PER1: variants seen among roughly 807,000 people sequenced by gnomAD.
PER1 encodes the protein period circadian regulator 1, also known as period circadian protein homolog 1.
A neutral mutation model predicts 125.9 loss-of-function variants in PER1; 87 were observed. The observed-to-expected ratio is 0.69, with a 90% CI of 0.58 to 0.83. The LOEUF is 0.83. PER1 is among the 40% of genes least tolerant of loss of function. The pLI, the probability that PER1 is intolerant of heterozygous loss-of-function variation, is 0.00. For synonymous variants in PER1, 801 were observed against 714.7 expected (o/e 1.12, Z -1.93); for missense variants, 1,775 against 1,722.8 (o/e 1.03, Z -0.54).
rs1011297433 is a variant in PER1 at position 8,140,809 on chromosome 17, C to G, written c.*259G>C. 2.6e-4 allele frequency: 118 copies of G among 451,566 alleles called. No individual in the cohort carries two copies. The highest frequency in any genetic ancestry group is 3.7e-4 in the Non-Finnish European group (91 of 249,128). The allele number at this position is 451,566 out of a possible 1,614,324, so 28.0% of individuals were successfully genotyped here. ...TTCAGCAGCTTGTCAGCAACTTTGT[C>G]CAGGGGAGGGAAGGATTCCTCTCCA... is the stretch of plus-strand genomic sequence containing the variant. On this transcript the variant is annotated 3_prime_UTR_variant, in exon 23 of 23. Coordinates refer to ENST00000317276, the MANE Select transcript of PER1 (RefSeq NM_002616.3).
At position 8,150,099 on chromosome 17, in the gene PER1, G is replaced by T. The variant is rs1392176850; in HGVS notation, c.401C>A (p.Thr134Asn). Residue 134 changes from threonine to asparagine, a missense_variant, in exon 4 of 23, where the codon ACT becomes AAT. Physicochemically the swap from Thr to Asn is moderately conservative, Grantham distance 65. Transcript: ENST00000317276. Reference sequence around the variant, plus strand: ...AAGTGCTGTCATGAGTTCCTTCTGAGTCCTTGCCCGGGCTGACTGTTCACT... The same window carrying T: ...AAGTGCTGTCATGAGTTCCTTCTGATTCCTTGCCCGGGCTGACTGTTCACT... ...CSSEQSARAR[T>N]QKELMTALRE... The T allele has an allele frequency of 6.2e-7, 1 of 1,614,090 alleles. No individual in the cohort carries two copies. The highest frequency in any genetic ancestry group is 8.5e-7 in the Non-Finnish European group (1 of 1,180,030).
chr17:8,142,900 T>A, intron 19 of PER1, 65 bp from the exon 20 acceptor site: 1 of 1,271,696 alleles, frequency 7.9e-7, no homozygotes, highest in Non-Finnish European at 1.1e-6. Context: ...CTTCAACTGC[T>A]CTTACTGGTT....
chr17:8,142,748 C>A lies in PER1; in HGVS notation c.3160G>T (p.Gly1054Cys), dbSNP rs755297409. The A allele has an allele frequency of 6.2e-7, 1 of 1,613,906 alleles. No homozygotes were observed. Among genetic ancestry groups the A allele is most frequent in the Non-Finnish European group, 8.5e-7 (1 of 1,180,002 alleles). Residue 1054 changes from glycine to cysteine, a missense_variant, in exon 20 of 23, where the codon GGC becomes TGC. Coordinates refer to ENST00000317276, the MANE Select transcript of PER1 (RefSeq NM_002616.3). ...GAGCCCGAGGCTGCGGAGCCTGTGCCGGAGCGCGAGTCCTCTTGCAGCAGA... is the reference window on the plus strand; with the variant it reads ...GAGCCCGAGGCTGCGGAGCCTGTGCAGGAGCGCGAGTCCTCTTGCAGCAGA... ...ELLLQEDSRS[G>C]TGSAASGSLG...
intron 17 of PER1, among the ~76,000 whole-genome samples, chr17:8,145,324 C>CTTTTTT (rs398030276): frequency 7.2e-5 from 9 of 125,500 alleles, no homozygotes; most frequent in Non-Finnish European, 8.1e-5. Flanking sequence ...TTTCTTGTTT[C>CTTTTTT]TTTTTTTTTT....
rs1982158577 is a variant in PER1, at chr17:8,142,717, C to T, written c.3191G>A (p.Gly1064Asp). The T allele has an allele frequency of 6.2e-7, 1 of 1,613,894 alleles. No individual in the cohort carries two copies. Among genetic ancestry groups the T allele is most frequent in the African/African-American group, 1.3e-5 (1 of 74,942 alleles). Residue 1064 changes from glycine to aspartate, a missense_variant, in exon 20 of 23, where the codon GGC becomes GAC. Transcript: ENST00000317276. ...GTGSAASGSL[G>D]SGLGSGSGSG... ...ACCAGACCCAGAGCCCAAGCCAGAG[C>T]CCAAGGAGCCCGAGGCTGCGGAGCC... is the stretch of plus-strand genomic sequence containing the variant.
At position 8,146,514 on chromosome 17, in the gene PER1, C is replaced by G; in HGVS notation, c.1908-12G>C. The stretch of plus-strand genomic sequence containing the variant: ...AGCTCTCCAGGTACCTGGGGATGGA[C>G]ACAGCACAGGGCATCAGAGCAGGGC... On this transcript the variant is annotated splice_polypyrimidine_tract_variant and intron_variant, in intron 15 of 22. Coordinates refer to ENST00000317276, the MANE Select transcript of PER1 (RefSeq NM_002616.3). 1 of 1,610,352 alleles carries G rather than the reference C, an allele frequency of 6.2e-7. No individual in the cohort carries two copies. Among genetic ancestry groups the G allele is most frequent in the Non-Finnish European group, 8.5e-7 (1 of 1,178,162 alleles).
At chr17:8,151,956 C>T (rs1266850390) in intron 1 of PER1, among the ~76,000 whole-genome samples, 1 of 152,188 alleles carries the variant, frequency 6.6e-6, no homozygotes, top group Non-Finnish European at 1.5e-5. Flanking sequence ...TCACAGGCGG[C>T]GCAGGGCCAG....
rs1250154419 is a variant in PER1 at position 8,147,149 on chromosome 17, G to C, written c.1629+101C>G. 4 of 1,468,988 alleles carry C rather than the reference G, an allele frequency of 2.7e-6. No homozygotes were observed. In the South Asian group the frequency reaches 5.0e-5, roughly 18 times the overall value. 91.0% of individuals were successfully genotyped at this position (1,468,988 alleles called of 1,614,324 possible). On this transcript the variant is annotated intron_variant, in intron 13 of 22. Transcript: ENST00000317276. The stretch of plus-strand genomic sequence containing the variant: ...AAGAAGGAAAAGGCAGGAAGGAGAG[G>C]GCAAAGGAGGATCGGGCAAGACTCT...
rs752877834 is a variant in PER1 at position 8,147,405 on chromosome 17, A to G, written c.1498-24T>C. 1.9e-6 allele frequency: 3 copies of G among 1,613,336 alleles called. No individual in the cohort carries two copies. In the African/African-American group the frequency reaches 4.0e-5, roughly 22 times the overall value. On this transcript the variant is annotated intron_variant, in intron 12 of 22. Coordinates refer to ENST00000317276, the MANE Select transcript of PER1 (RefSeq NM_002616.3). ...GGCTGCAGCAGGGAGAGGGCAGGTT[A>G]GATGGCTTGACCCGGCTTCCCACAC...
intron 19 of PER1, 76 bp downstream of exon 19, chr17:8,143,190 C>A (rs866649558): frequency 2.7e-5 from 29 of 1,089,976 alleles, no homozygotes; most frequent in Middle Eastern, 3.1e-4. Context: ...CTGGCAGAGA[C>A]AGCAGGCAGC....
At position 8,140,909 on chromosome 17, in the gene PER1, C is replaced by T. The variant is rs953491150; in HGVS notation, c.*159G>A. ...TGCTCCCTAAGAGGCCAGAGGCAGCCCCTGGATCCTAGGCTGGTGATGGGG... is the reference window on the plus strand; with the variant it reads ...TGCTCCCTAAGAGGCCAGAGGCAGCTCCTGGATCCTAGGCTGGTGATGGGG... On this transcript the variant is annotated 3_prime_UTR_variant, in exon 23 of 23. Coordinates refer to ENST00000317276, the MANE Select transcript of PER1 (RefSeq NM_002616.3). 10 of 797,460 alleles carry T rather than the reference C, an allele frequency of 1.3e-5. No homozygotes were observed. In the African/African-American group the frequency reaches 1.6e-4, roughly 12 times the overall value. 49.4% of individuals were successfully genotyped at this position (797,460 alleles called of 1,614,324 possible).
At chr17:8,142,522 C>G (rs889837952) in intron 20 of PER1, 64 bp from the exon 21 acceptor site, 2 of 1,546,844 alleles carry the variant, frequency 1.3e-6, no homozygotes. Context: ...TGGGACCTCA[C>G]AAGGCCTCCC....
chr17:8,142,479 C>T (rs747744419), intron 20 of PER1, 21 bp from the exon 21 acceptor site: 1 of 1,559,104 alleles, frequency 6.4e-7, no homozygotes, highest in African/African-American at 1.4e-5. Flanking sequence ...GGGGGCAGAC[C>T]AATGGGAGTC....
In PER1 at chr17:8,146,031, C is replaced by G. The variant is rs1250139933; in HGVS notation, c.2145G>C (p.Val715=). The G allele has an allele frequency of 6.2e-7, 1 of 1,613,924 alleles. No homozygotes were observed. The highest frequency in any genetic ancestry group is 8.5e-7 in the Non-Finnish European group (1 of 1,179,980). Residue 715 remains valine (V), a synonymous_variant, in exon 17 of 23, where the codon GTG becomes GTC. Transcript: ENST00000317276. The part of the protein sequence containing the change: ...PLALANKAES[V]VSVTSQCSFS... ...AGCTACACTGACTGGTGACGGACAC[C>G]ACACTCTCCGCCTTATTGGCCAGGG...
chr17:8,152,011 G>A (rs944831900), intron 1 of PER1, among the ~76,000 whole-genome samples: 10 of 152,212 alleles, frequency 6.6e-5, no homozygotes, highest in African/African-American at 1.9e-4. Flanking sequence ...GCCTAATAGG[G>A]TCCTGGTACC....
At position 8,142,842 on chromosome 17, in the gene PER1, G is replaced by A. The variant is rs1982170116; in HGVS notation, c.3073-7C>T. The A allele has an allele frequency of 6.3e-7, 1 of 1,586,566 alleles. No homozygotes were observed. Among genetic ancestry groups the A allele is most frequent in the East Asian group, 2.3e-5 (1 of 43,782 alleles). On this transcript the variant is annotated splice_region_variant and splice_polypyrimidine_tract_variant and intron_variant, in intron 19 of 22. Transcript: ENST00000317276. ...AGGACTCAGTGACCTCCGCCTGGAGGAGGGGAGGGGGGCAAGGAGGGATGG... is the reference window on the plus strand; with the variant it reads ...AGGACTCAGTGACCTCCGCCTGGAGAAGGGGAGGGGGGCAAGGAGGGATGG...
rs1445655756 is a variant in PER1 at position 8,147,726 on chromosome 17, G to A, written c.1336C>T (p.His446Tyr). The A allele has an allele frequency of 1.2e-6, 2 of 1,614,096 alleles. No individual in the cohort carries two copies. Among genetic ancestry groups the A allele is most frequent in the East Asian group, 2.2e-5 (1 of 44,890 alleles). The change falls in exon 11 of 23, where the codon CAC (histidine) becomes TAC (tyrosine). Residue 446 changes from histidine (H) to tyrosine (Y), a missense_variant. Coordinates refer to ENST00000317276, the MANE Select transcript of PER1 (RefSeq NM_002616.3). ...AAGGCTACCTTGCGGCTCCAGGGGT[G>A]CACAAAGCCAGCCCAGCTGGTGTCC... Reference protein sequence around the residue: ...TMDTSWAGFVHPWSRKVAFVL... With the variant: ...TMDTSWAGFVYPWSRKVAFVL...
chr17:8,146,949 C>T lies in PER1; in HGVS notation c.1683G>A (p.Gln561=), dbSNP rs532952754. ...GGGCCCGAGACTCAATAAAAAGCTG[C>T]TGGCCCTGGTGCTTCACCAGATGCA... ...KDVHLVKHQG[Q]QLFIESRARP... is the part of the protein sequence containing the mutation. Residue 561 remains glutamine, a synonymous_variant, in exon 14 of 23, where the codon CAG becomes CAA. Transcript: ENST00000317276. The T allele has an allele frequency of 6.2e-7, 1 of 1,614,112 alleles. No individual in the cohort carries two copies. Among genetic ancestry groups the T allele is most frequent in the African/African-American group, 1.3e-5 (1 of 75,026 alleles).
chr17:8,148,687 C>T lies in PER1; in HGVS notation c.1005G>A (p.Pro335=), dbSNP rs762835396. The T allele has an allele frequency of 1.2e-5, 19 of 1,613,642 alleles. No homozygotes were observed. The highest frequency in any genetic ancestry group is 5.5e-5 in the South Asian group (5 of 91,018). ...IRVSDGAPAQ[P]CCLLIAERIH... Reference sequence around the variant, plus strand: ...TGCGCTCTGCAATCAGCAGGCAGCACGGCTGTGCAGGGGCCCCATCTGAGA... The same window carrying T: ...TGCGCTCTGCAATCAGCAGGCAGCATGGCTGTGCAGGGGCCCCATCTGAGA... The change falls in exon 8 of 23, where the codon CCG becomes CCA. Residue 335 remains proline (P), a synonymous_variant. Transcript: ENST00000317276.
Sources: allele counts gnomAD v4.1 joint callset (sites outside exome capture counted in the v4.1 genomes callset), GRCh38; gene constraint gnomAD v4.1.1; transcripts MANE v1.5; gene names NCBI Gene and HGNC (gene_info 2026-07-23, HGNC 2026-07-21).